Variants in CCDC180 observed in about 807,000 individuals in gnomAD.
The protein encoded by CCDC180 is coiled-coil domain-containing protein 180.
Under a neutral mutation model 209.2 loss-of-function variants are expected in CCDC180, and 154 were observed. That is an observed-to-expected ratio of 0.74 (90% CI 0.65 to 0.84). The LOEUF is 0.84. CCDC180 is among the 40% of genes least tolerant of loss of function. The pLI, the probability that CCDC180 is intolerant of heterozygous loss-of-function variation, is 0.00. For missense variants in CCDC180, 1,874 were observed against 1,997.3 expected (o/e 0.94, Z 1.18); for synonymous variants, 778 against 749.1 (o/e 1.04, Z -0.63).
At chr9:97,350,030 C>T (rs1247542398) in intron 21 of CCDC180, among the ~76,000 whole-genome samples, 7 of 152,136 alleles carry the variant, frequency 4.6e-5, no homozygotes, top group Admixed American at 4.6e-4. Context: ...GTCCTGCAGA[C>T]ACTGGAATTT....
chr9:97,322,917 G>T lies in CCDC180; in HGVS notation c.1244G>T (p.Cys415Phe). Reference sequence around the variant, plus strand: ...GAGTGCCTGATGCATGTGCAGAATTGTAAGGTGGGCACCCTTCCTGCAGGC... The same window carrying T: ...GAGTGCCTGATGCATGTGCAGAATTTTAAGGTGGGCACCCTTCCTGCAGGC... ...WQECLMHVQN[C>F]KKQLLDWKAF... Residue 415 changes from cysteine (C) to phenylalanine (F), a missense_variant, in exon 12 of 37, where the codon TGT becomes TTT. Coordinates refer to ENST00000529487, the MANE Select transcript of CCDC180 (RefSeq NM_020893.6). 1 of 1,613,672 alleles carries T rather than the reference G, an allele frequency of 6.2e-7. No individual in the cohort carries two copies. The highest frequency in any genetic ancestry group is 8.5e-7 in the Non-Finnish European group (1 of 1,179,824).
At chr9:97,338,701 A>C (rs1825984508) in intron 18 of CCDC180, among the ~76,000 whole-genome samples, 1 of 152,206 alleles carries the variant, frequency 6.6e-6, no homozygotes, top group Non-Finnish European at 1.5e-5. Flanking sequence ...AGCTGAGTTC[A>C]AGTCCTGGAT....
At position 97,349,236 on chromosome 9, in the gene CCDC180, C is replaced by T. The variant is rs991572414; in HGVS notation, c.2800C>T (p.Arg934Cys). The change falls in exon 21 of 37, where the codon CGC (arginine) becomes TGC (cysteine). Residue 934 changes from arginine (R) to cysteine (C), a missense_variant. Arg to Cys is a radical substitution (Grantham distance 180). Transcript: ENST00000529487. Reference protein sequence around the residue: ...EEQNVRSKNFRLKIYDMEHIF... With the variant: ...EEQNVRSKNFCLKIYDMEHIF... ...GCAAAACGTGAGGAGCAAAAACTTC[C>T]GCCTTAAGATCTATGACATGGAGCA... is the stretch of plus-strand genomic sequence containing the variant. 69 of 1,536,510 alleles carry T rather than the reference C, an allele frequency of 4.5e-5. No homozygotes were observed. The highest frequency in any genetic ancestry group is 1.7e-4 in the Middle Eastern group (1 of 6,016).
chr9:97,311,943 T>C (rs1405716537), intron 3 of CCDC180, among the ~76,000 whole-genome samples, 170 bp from the exon 4 acceptor site: 1 of 152,050 alleles, frequency 6.6e-6, no homozygotes, highest in African/African-American at 2.4e-5. Flanking sequence ...AGGCGGCGTT[T>C]GTTGGGAGCC....
intron 28 of CCDC180, 98 bp from the exon 29 acceptor site, chr9:97,363,953 C>A: frequency 8.3e-7 from 1 of 1,200,526 alleles, no homozygotes; most frequent in Non-Finnish European, 1.2e-6. Flanking sequence ...ACGGGCAGGC[C>A]CAATGCCTCC....
chr9:97,334,723 T>A (rs1825849139), intron 18 of CCDC180, among the ~76,000 whole-genome samples: 1 of 152,210 alleles, frequency 6.6e-6, no homozygotes, highest in Non-Finnish European at 1.5e-5. Context: ...TAGTTTACAT[T>A]ATTTATAGTT....
At chr9:97,369,796 C>G in intron 31 of CCDC180, 126 bp from the exon 32 acceptor site, 4 of 1,007,924 alleles carry the variant, frequency 4.0e-6, no homozygotes, top group Non-Finnish European at 4.4e-6. Flanking sequence ...TGGAATAGCT[C>G]TTACCACGTT....
At chr9:97,327,884 C>T (rs1478324275) in intron 15 of CCDC180, 136 bp from the exon 16 acceptor site, 6 of 917,216 alleles carry the variant, frequency 6.5e-6, no homozygotes, top group Non-Finnish European at 9.8e-6. Flanking sequence ...AATAGCATAG[C>T]CAAGGACTGC....
At chr9:97,351,326 G>C (rs993213693) in intron 22 of CCDC180, among the ~76,000 whole-genome samples, 1 of 152,132 alleles carries the variant, frequency 6.6e-6, no homozygotes, top group Admixed American at 6.5e-5. Flanking sequence ...GTACTTTCTG[G>C]TGTTTTTTGT....
At chr9:97,352,949 A>G (rs1040779893) in intron 22 of CCDC180, among the ~76,000 whole-genome samples, 1 of 139,018 alleles carries the variant, frequency 7.2e-6, no homozygotes, top group African/African-American at 2.7e-5. Context: ...ACGTATGTAT[A>G]TATATATATA....
intron 19 of CCDC180, among the ~76,000 whole-genome samples, chr9:97,344,411 C>T (rs1310920222): frequency 6.6e-6 from 1 of 152,202 alleles, no homozygotes; most frequent in Non-Finnish European, 1.5e-5. Flanking sequence ...AAACATCATC[C>T]CTCTCCTTCC....
At chr9:97,336,413 A>G (rs372812532) in intron 18 of CCDC180, among the ~76,000 whole-genome samples, 1 of 152,318 alleles carries the variant, frequency 6.6e-6, no homozygotes, top group South Asian at 2.1e-4. Flanking sequence ...CATTTACTGA[A>G]CAGGAGATCC....
chr9:97,355,053 C>G, intron 24 of CCDC180, 45 bp downstream of exon 24: 1 of 1,304,502 alleles, frequency 7.7e-7, no homozygotes. Context: ...TCACACACAC[C>G]TGCACACCAG....
intron 24 of CCDC180, among the ~76,000 whole-genome samples, chr9:97,355,540 G>T (rs1176739840): frequency 1.3e-5 from 2 of 152,204 alleles, no homozygotes; most frequent in African/African-American, 4.8e-5. Flanking sequence ...GATTAGCTGT[G>T]TTAGTCCTCA....
intron 19 of CCDC180, chr9:97,345,826 C>T (rs1479280874): frequency 1.9e-5 from 3 of 158,604 alleles, no homozygotes; most frequent in African/African-American, 7.2e-5. Flanking sequence ...CCCCTCTCTG[C>T]ACTTGCCTTT....
At chr9:97,335,577 ATTC>A (rs1825879545) in intron 18 of CCDC180, among the ~76,000 whole-genome samples, 1 of 152,122 alleles carries the variant, frequency 6.6e-6, no homozygotes, top group Non-Finnish European at 1.5e-5. Flanking sequence ...CCAGTCTATC[ATTC>A]TGGATATTTG....
rs111569467 is a variant in CCDC180, at chr9:97,371,004, C to T, written c.4488+226C>T. 6.9e-5 allele frequency: 18 copies of T among 262,332 alleles called. 1 individual carries two copies. Among genetic ancestry groups the T allele is most frequent in the African/African-American group, 2.3e-4 (9 of 38,912 alleles). The allele number at this position is 262,332 out of a possible 1,614,324, so 16.3% of individuals were successfully genotyped here. A position where few individuals can be genotyped will look rare whatever the true frequency, so the allele number is the denominator to read the frequency against. ...CGGAGTCTCGCTCTGTCGCCCAGGC[C>T]GGACTGCGGACTGCAGTGGCGCAAT... On this transcript the variant is annotated intron_variant, in intron 33 of 36. Transcript: ENST00000529487.
At chr9:97,319,006 C>CT (rs1448441611) in intron 10 of CCDC180, among the ~76,000 whole-genome samples, 3 of 152,124 alleles carry the variant, frequency 2.0e-5, no homozygotes, top group African/African-American at 7.2e-5. Context: ...TGTGGACACT[C>CT]TCCTCAGATG....
At chr9:97,325,515 A>C in intron 14 of CCDC180, among the ~76,000 whole-genome samples, 1 of 152,240 alleles carries the variant, frequency 6.6e-6, no homozygotes, top group East Asian at 1.9e-4. Flanking sequence ...AATAACATGA[A>C]CCAACCTCAA....
Sources: allele counts gnomAD v4.1 joint callset (sites outside exome capture counted in the v4.1 genomes callset), GRCh38; gene constraint gnomAD v4.1.1; transcripts MANE v1.5; gene names NCBI Gene and HGNC (gene_info 2026-07-23, HGNC 2026-07-21).